BICD1: variants seen among roughly 807,000 people sequenced by gnomAD.
BICD1 encodes the protein protein bicaudal D homolog 1.
In BICD1, 35 loss-of-function variants were observed where a neutral mutation model predicts 92.5. The observed-to-expected ratio is 0.38, with a 90% CI of 0.29 to 0.50. The LOEUF is 0.50. Ranked by LOEUF, BICD1 falls within the 20% of genes least tolerant of loss-of-function variation. The pLI is 0.93. For synonymous variants in BICD1, 429 were observed against 465.1 expected (o/e 0.92, Z 1.00); for missense variants, 950 against 1,189.8 (o/e 0.80, Z 2.97).
chr12:32,231,559 CTTTATTTATTTATTTATTTATTTA>C (rs150346060), intron 2 of BICD1, among the ~76,000 whole-genome samples: 1 of 147,700 alleles, frequency 6.8e-6, no homozygotes, highest in Non-Finnish European at 1.5e-5. Context: ...TTTGTGACTG[CTTTATTTATTTATTTATTTATTTA>C]TTTATTTATT....
At chr12:32,163,306 G>A (rs59549999) in intron 1 of BICD1, among the ~76,000 whole-genome samples, 6,031 of 151,990 alleles carry the variant, frequency 0.04, 396 homozygotes, top group African/African-American at 0.14. Context: ...GTACTGAGGT[G>A]GATAGGTACT....
At position 32,361,565 on chromosome 12, in the gene BICD1, A is replaced by AG. The variant is rs578206947; in HGVS notation, c.2765-6105_2765-6104insG. On this transcript the variant is annotated intron_variant, in intron 8 of 9. Coordinates refer to ENST00000652176, the MANE Select transcript of BICD1 (RefSeq NM_001714.4). ...GAGACTCCATCTCAAAAAAAAAAAA[A>AG]AAAGAAAGAAAGATAAGAAAAAAAG... 2.4e-4 allele frequency among the ~76,000 whole-genome samples: 37 copies of AG among 151,910 alleles called. 1 individual carries two copies. The South Asian group carries it at 7.3e-3, about 30-fold the overall frequency.
chr12:32,294,164 T>A lies in BICD1; in HGVS notation c.579+18T>A, dbSNP rs768183271. ...AGAACCAGGTAAGGTTTAAGAAATT[T>A]TTTGTTATACTGAAGATGGATCTAC... On this transcript the variant is annotated intron_variant, in intron 3 of 9. Coordinates refer to ENST00000652176, the MANE Select transcript of BICD1 (RefSeq NM_001714.4). The A allele has an allele frequency of 6.3e-7, 1 of 1,580,366 alleles. No individual in the cohort carries two copies. Among genetic ancestry groups the A allele is most frequent in the South Asian group, 1.2e-5 (1 of 85,034 alleles).
At chr12:32,354,694 T>C (rs767244244) in intron 8 of BICD1, among the ~76,000 whole-genome samples, 2 of 152,218 alleles carry the variant, frequency 1.3e-5, no homozygotes, top group Non-Finnish European at 2.9e-5. Context: ...GCCAACTCTA[T>C]GTGTTTGATT....
At chr12:32,293,362 G>A (rs578102629) in intron 2 of BICD1, among the ~76,000 whole-genome samples, 2 of 152,150 alleles carry the variant, frequency 1.3e-5, no homozygotes, top group African/African-American at 4.8e-5. Context: ...CTGTTGCCCA[G>A]GCTGGAGTGA....
At chr12:32,262,165 TC>T (rs1350139086) in intron 2 of BICD1, among the ~76,000 whole-genome samples, 1 of 152,206 alleles carries the variant, frequency 6.6e-6, no homozygotes, top group African/African-American at 2.4e-5. Flanking sequence ...ATTACCAGAA[TC>T]CGTGAGCACT....
At chr12:32,202,243 T>C (rs1246228796) in intron 1 of BICD1, among the ~76,000 whole-genome samples, 1 of 152,182 alleles carries the variant, frequency 6.6e-6, no homozygotes, top group Non-Finnish European at 1.5e-5. Flanking sequence ...CAAGATCAGA[T>C]CCTAGTTTGA....
chr12:32,209,589 C>A (rs1945154802), intron 1 of BICD1, among the ~76,000 whole-genome samples: 1 of 152,168 alleles, frequency 6.6e-6, no homozygotes, highest in Admixed American at 6.5e-5. Flanking sequence ...TCTGAATATC[C>A]TCTGGAGCAC....
chr12:32,208,272 G>A (rs145811795), intron 1 of BICD1, among the ~76,000 whole-genome samples: 1 of 152,154 alleles, frequency 6.6e-6, no homozygotes, highest in Non-Finnish European at 1.5e-5. Context: ...AAAGCACGTC[G>A]TCTTTCTGCT....
At chr12:32,133,262 T>A (rs1310345305) in intron 1 of BICD1, among the ~76,000 whole-genome samples, 1 of 151,934 alleles carries the variant, frequency 6.6e-6, no homozygotes, top group Non-Finnish European at 1.5e-5. Context: ...CTGAGTCAGG[T>A]GGATCACCTG....
At chr12:32,340,498 C>T in intron 8 of BICD1, 1 of 981,818 alleles carries the variant, frequency 1.0e-6, no homozygotes, top group Non-Finnish European at 1.2e-6. Flanking sequence ...GCACTATCTA[C>T]TGGAACTTAG....
intron 2 of BICD1, among the ~76,000 whole-genome samples, chr12:32,268,161 T>G (rs1316916762): frequency 6.6e-6 from 1 of 152,190 alleles, no homozygotes; most frequent in East Asian, 1.9e-4. Flanking sequence ...ACAAGTCCAG[T>G]TTGAGCTAGT....
At chr12:32,375,224 C>T (rs1182285007) in intron 9 of BICD1, among the ~76,000 whole-genome samples, 1 of 151,900 alleles carries the variant, frequency 6.6e-6, no homozygotes, top group Non-Finnish European at 1.5e-5. Context: ...CGCGCCCAGG[C>T]TTATTTTCCA....
rs554871634 is a variant in BICD1, at chr12:32,368,320, C to A, written c.2840+575C>A. Reference sequence around the variant, plus strand: ...TTCAAGGCTGCAGCGAGCTATGATACCACTGCACACCTGCCTGGTGAGTAA... The same window carrying A: ...TTCAAGGCTGCAGCGAGCTATGATAACACTGCACACCTGCCTGGTGAGTAA... On this transcript the variant is annotated intron_variant, in intron 9 of 9. Transcript: ENST00000652176. Among the ~76,000 whole-genome samples the A allele has an allele frequency of 1.0e-3, 158 of 152,110 alleles. 1 individual carries two copies. The highest frequency in any genetic ancestry group is 3.7e-3 in the African/African-American group (155 of 41,512).
chr12:32,238,054 T>A (rs1431951870), intron 2 of BICD1, among the ~76,000 whole-genome samples: 1 of 152,224 alleles, frequency 6.6e-6, no homozygotes, highest in Non-Finnish European at 1.5e-5. Context: ...ATTATCAACA[T>A]GAACAGGAGT....
Position 32,311,213 on chromosome 12 carries a change from T to C in BICD1, c.1005+5091T>C, listed in dbSNP as rs529616808. Among the ~76,000 whole-genome samples the C allele has an allele frequency of 6.6e-5, 10 of 152,244 alleles. No homozygotes were observed. In the East Asian group the frequency reaches 1.7e-3, roughly 26 times the overall value. On this transcript the variant is annotated intron_variant, in intron 4 of 9. Transcript: ENST00000652176. ...CAATTAAATACATTTAAGAAATACATTGGGCCGGGTGCGGTGGCTCACGCC... is the reference window on the plus strand; with the variant it reads ...CAATTAAATACATTTAAGAAATACACTGGGCCGGGTGCGGTGGCTCACGCC...
chr12:32,143,675 G>A (rs939745400), intron 1 of BICD1, among the ~76,000 whole-genome samples: 1 of 152,124 alleles, frequency 6.6e-6, no homozygotes, highest in African/African-American at 2.4e-5. Flanking sequence ...GAATTTCTAT[G>A]AGCGTGATCA....
Position 32,323,492 on chromosome 12 carries a change from A to G in BICD1, c.1006-3969A>G, listed in dbSNP as rs141934161. Among the ~76,000 whole-genome samples, 1,265 of 152,318 alleles carry G rather than the reference A, an allele frequency of 8.3e-3. 12 individuals are homozygous for G. The highest frequency in any genetic ancestry group is 0.027 in the African/African-American group (1,139 of 41,578). On this transcript the variant is annotated intron_variant, in intron 4 of 9. Transcript: ENST00000652176. Reference sequence around the variant, plus strand: ...GAAGCTTTCTCAGAGTCACATAGCTAAGTAAATGTTGGTCCCGAGATTTGA... The same window carrying G: ...GAAGCTTTCTCAGAGTCACATAGCTGAGTAAATGTTGGTCCCGAGATTTGA...
At chr12:32,351,839 G>C (rs953246812) in intron 8 of BICD1, among the ~76,000 whole-genome samples, 1 of 151,494 alleles carries the variant, frequency 6.6e-6, no homozygotes, top group Non-Finnish European at 1.5e-5. Flanking sequence ...GACGCGGGAG[G>C]CAGAGGTTGC....
Sources: allele counts gnomAD v4.1 joint callset (sites outside exome capture counted in the v4.1 genomes callset), GRCh38; gene constraint gnomAD v4.1.1; transcripts MANE v1.5; gene names NCBI Gene and HGNC (gene_info 2026-07-23, HGNC 2026-07-21).